SPATS2: variants seen among roughly 807,000 people sequenced by gnomAD.
SPATS2 encodes the protein spermatogenesis associated serine rich 2, also known as spermatogenesis-associated serine-rich protein 2.
A neutral mutation model predicts 63.7 loss-of-function variants in SPATS2; 38 were observed. That is an observed-to-expected ratio of 0.60 (90% CI 0.46 to 0.78). SPATS2 has a LOEUF of 0.78. SPATS2 is among the 30% of genes least tolerant of loss of function. The probability of loss-of-function intolerance (pLI) is 0.00; values close to 1 mark genes in which losing one functional copy is unlikely to be tolerated. For missense variants in SPATS2, 588 were observed against 666.2 expected, an observed-to-expected ratio of 0.88 and a Z score of 1.29; for synonymous variants, 207 against 232.9, an observed-to-expected ratio of 0.89 and a Z score of 1.01.
intron 9 of SPATS2, 164 bp from the exon 10 acceptor site, chr12:49,514,391 T>G (rs1946805215): frequency 1.7e-6 from 1 of 581,846 alleles, no homozygotes; most frequent in African/African-American, 1.9e-5. Flanking sequence ...AAATATTCTT[T>G]GTTGAGAGTA....
At chr12:49,434,672 C>G (rs1945242647) in intron 2 of SPATS2, among the ~76,000 whole-genome samples, 1 of 152,146 alleles carries the variant, frequency 6.6e-6, no homozygotes, top group African/African-American at 2.4e-5. Flanking sequence ...CCCTCTGGTT[C>G]AGGAGTCATA....
intron 2 of SPATS2, among the ~76,000 whole-genome samples, chr12:49,375,079 G>A (rs1454495579): frequency 6.7e-6 from 1 of 149,520 alleles, no homozygotes; most frequent in Non-Finnish European, 1.5e-5. Flanking sequence ...ACCTTGGATT[G>A]CTGGTAAGAA....
At chr12:49,429,786 CT>C (rs113979672) in intron 2 of SPATS2, among the ~76,000 whole-genome samples, 33,628 of 126,384 alleles carry the variant, frequency 0.27, 5,516 homozygotes, top group African/African-American at 0.52. Context: ...TCTTCTTCTT[CT>C]TTTTTTTTTT....
At chr12:49,521,655 G>A (rs1297334762) in intron 11 of SPATS2, among the ~76,000 whole-genome samples, 1 of 152,154 alleles carries the variant, frequency 6.6e-6, no homozygotes, top group Non-Finnish European at 1.5e-5. Flanking sequence ...GTGTACTGAA[G>A]TGGGTGCTGT....
intron 2 of SPATS2, among the ~76,000 whole-genome samples, chr12:49,430,534 C>T (rs888812109): frequency 7.2e-5 from 11 of 151,844 alleles, no homozygotes; most frequent in African/African-American, 1.9e-4. Flanking sequence ...TTATTTGCAA[C>T]CTCTCATTTT....
chr12:49,387,953 TA>T (rs1170164052), intron 2 of SPATS2, among the ~76,000 whole-genome samples: 1 of 152,170 alleles, frequency 6.6e-6, no homozygotes, highest in Non-Finnish European at 1.5e-5. Context: ...TTTAAGTATT[TA>T]TTTTTTTTGA....
intron 2 of SPATS2, among the ~76,000 whole-genome samples, chr12:49,375,186 GT>G (rs1565690740): frequency 8.2e-5 from 9 of 109,294 alleles, no homozygotes; most frequent in African/African-American, 2.1e-4. Context: ...GTGTGTGTGT[GT>G]GTGTGTGTGG....
At chr12:49,454,002 A>G (rs1490035988) in intron 2 of SPATS2, among the ~76,000 whole-genome samples, 1 of 151,430 alleles carries the variant, frequency 6.6e-6, no homozygotes, top group Non-Finnish European at 1.5e-5. Flanking sequence ...AGCTGGGACT[A>G]CAGGCTCCCG....
At chr12:49,417,009 A>G (rs1277834057) in intron 2 of SPATS2, among the ~76,000 whole-genome samples, 1 of 152,280 alleles carries the variant, frequency 6.6e-6, no homozygotes, top group South Asian at 2.1e-4. Flanking sequence ...AGGCAGGGAG[A>G]TGAAAGATGG....
intron 3 of SPATS2, chr12:49,462,562 A>G: frequency 1.5e-6 from 1 of 647,814 alleles, no homozygotes; most frequent in Non-Finnish European, 2.8e-6. Context: ...AGCCTTTTGT[A>G]TCTGCACTCG....
At chr12:49,377,529 C>G (rs1944130156) in intron 2 of SPATS2, among the ~76,000 whole-genome samples, 1 of 152,174 alleles carries the variant, frequency 6.6e-6, no homozygotes, top group Non-Finnish European at 1.5e-5. Context: ...GCTGAGAACA[C>G]ATCATCCTTT....
At chr12:49,369,024 G>T (rs1215190462) in intron 1 of SPATS2, among the ~76,000 whole-genome samples, 2 of 145,456 alleles carry the variant, frequency 1.4e-5, no homozygotes, top group African/African-American at 5.1e-5. Flanking sequence ...TAGTGACAAT[G>T]TGCCTCTTTT....
In SPATS2 at chr12:49,446,632, G is replaced by C. The variant is rs563583941; in HGVS notation, c.-243-14138G>C. On this transcript the variant is annotated intron_variant, in intron 2 of 13. Transcript: ENST00000552918. ...GTTAGGTTCCTCTTGCTTCAAATCT[G>C]TCTTTCCCCTTTGCCACATCTCTGT... is the stretch of plus-strand genomic sequence containing the variant. Among the ~76,000 whole-genome samples the C allele has an allele frequency of 6.5e-4, 99 of 152,242 alleles. 1 individual carries two copies. Among genetic ancestry groups the C allele is most frequent in the African/African-American group, 2.3e-3 (97 of 41,556 alleles).
At chr12:49,488,779 A>G (rs1215916598) in intron 4 of SPATS2, among the ~76,000 whole-genome samples, 1 of 152,210 alleles carries the variant, frequency 6.6e-6, no homozygotes, top group Non-Finnish European at 1.5e-5. Context: ...ATGTAGTGCA[A>G]AATAATAGTG....
intron 2 of SPATS2, among the ~76,000 whole-genome samples, chr12:49,449,068 T>G (rs1945569374): frequency 1.3e-5 from 2 of 152,270 alleles, no homozygotes; most frequent in South Asian, 2.1e-4. Flanking sequence ...TAGAGCTGAC[T>G]TTGGCCCTTG....
intron 2 of SPATS2, chr12:49,442,783 CCT>C (rs1945442335): frequency 3.1e-5 from 1 of 32,014 alleles, no homozygotes. Flanking sequence ...GACCATGTCT[CCT>C]TAAAAAAAAA....
At chr12:49,389,992 G>A in intron 2 of SPATS2, 1 of 835,692 alleles carries the variant, frequency 1.2e-6, no homozygotes, top group East Asian at 2.4e-5. Flanking sequence ...CAAGCAACAG[G>A]ATTGCAAGGA....
chr12:49,386,623 C>G (rs61942256), intron 2 of SPATS2, among the ~76,000 whole-genome samples: 1 of 152,048 alleles, frequency 6.6e-6, no homozygotes, highest in Non-Finnish European at 1.5e-5. Context: ...TAGAGGGTAC[C>G]TGTGTATGCA....
intron 2 of SPATS2, among the ~76,000 whole-genome samples, chr12:49,388,666 A>G (rs2137232519): frequency 6.8e-6 from 1 of 145,990 alleles, no homozygotes; most frequent in East Asian, 2.0e-4. Context: ...ATGAGCCACC[A>G]TGCCTAGCCT....
Sources: gnomAD v4.1 joint callset for allele counts (sites outside exome capture counted in the v4.1 genomes callset) on GRCh38, gnomAD v4.1.1 for gene constraint, MANE v1.5 for transcripts, NCBI Gene and HGNC (gene_info 2026-07-23, HGNC 2026-07-21) for gene names.